Variants in LRRK1 observed in about 807,000 individuals in gnomAD.
The protein encoded by LRRK1 is leucine rich repeat kinase 1, also known as leucine-rich repeat serine/threonine-protein kinase 1.
LRRK1 carries 113 observed loss-of-function variants against 209.1 expected under a neutral mutation model. The ratio of observed to expected loss-of-function variants is 0.54; its 90% CI spans 0.46 to 0.63. The LOEUF is 0.63. Among genes scored for constraint, LRRK1 ranks in the 30% least tolerant of loss-of-function variants. The pLI is 0.00. For missense variants in LRRK1, 2,284 were observed against 2,632.2 expected (o/e 0.87, Z 2.89); for synonymous variants, 1,144 against 1,099.7 (o/e 1.04, Z -0.80).
chr15:100,990,808 G>A (rs776650259), intron 6 of LRRK1, among the ~76,000 whole-genome samples: 1 of 113,414 alleles, frequency 8.8e-6, no homozygotes, highest in South Asian at 2.7e-4. Flanking sequence ...TTCTTTTTTT[G>A]TTATCTTTTG....
Position 101,052,934 on chromosome 15 carries a change from G to C in LRRK1, c.3702G>C (p.Glu1234Asp), listed in dbSNP as rs1296908321. 1.2e-6 allele frequency: 2 copies of C among 1,606,478 alleles called. No individual in the cohort carries two copies. Among genetic ancestry groups the C allele is most frequent in the African/African-American group, 2.7e-5 (2 of 74,846 alleles). Residue 1234 changes from glutamate to aspartate, a missense_variant, in exon 25 of 34, where the codon GAG (glutamate) becomes GAC (aspartate). Transcript: ENST00000388948. Reference protein sequence around the residue: ...MTDFPARLFLENSKLEHSEDE... With the variant: ...MTDFPARLFLDNSKLEHSEDE... ...GCGTGTGTGGCAGGCTCTTCCTGGA[G>C]AACAGCAAGCTGGAGCACAGCGAGG...
At chr15:101,029,523 A>C (rs1398465746) in intron 20 of LRRK1, among the ~76,000 whole-genome samples, 1 of 145,252 alleles carries the variant, frequency 6.9e-6, no homozygotes, top group African/African-American at 2.9e-5. Context: ...ATTAAAAATA[A>C]TTTGTGGGAA....
chr15:101,005,058 C>G (rs1326012483), intron 6 of LRRK1, among the ~76,000 whole-genome samples: 1 of 152,196 alleles, frequency 6.6e-6, no homozygotes, highest in African/African-American at 2.4e-5. Context: ...ACGGAAAGAC[C>G]ATAATGGCCA....
intron 2 of LRRK1, among the ~76,000 whole-genome samples, chr15:100,958,888 C>T (rs2042817190): frequency 6.6e-6 from 1 of 152,182 alleles, no homozygotes; most frequent in South Asian, 2.1e-4. Context: ...TCTGGGACTT[C>T]CTTCCCTGCC....
At chr15:101,063,219 A>AC (rs1338291640) in intron 31 of LRRK1, among the ~76,000 whole-genome samples, 5 of 151,858 alleles carry the variant, frequency 3.3e-5, no homozygotes, top group Admixed American at 2.6e-4. Flanking sequence ...TCTAAATGAG[A>AC]CCCCAAGGGG....
chr15:101,021,531 T>C (rs2033784858), intron 13 of LRRK1, among the ~76,000 whole-genome samples: 1 of 152,110 alleles, frequency 6.6e-6, no homozygotes, highest in Non-Finnish European at 1.5e-5. Context: ...ATATTAATAT[T>C]AAAGGGACAT....
At chr15:101,006,372 T>TAAAAAAAAAAAAAAAAAAAA in intron 6 of LRRK1, among the ~76,000 whole-genome samples, 1 of 114,460 alleles carries the variant, frequency 8.7e-6, no homozygotes, top group Non-Finnish European at 1.9e-5. Context: ...GACAATGTGA[T>TAAAAAAAAAAAAAAAAAAAA]AAAAAAAAAA....
At position 100,973,834 on chromosome 15, in the gene LRRK1, C is replaced by A; in HGVS notation, c.128C>A (p.Thr43Lys). The A allele has an allele frequency of 7.7e-7, 1 of 1,293,056 alleles. No homozygotes were observed. The allele number at this position is 1,293,056 out of a possible 1,614,324, so 80.1% of individuals were successfully genotyped here. Reference protein sequence around the residue: ...GAGDTGGKPSTRGGDPAARSR... With the variant: ...GAGDTGGKPSKRGGDPAARSR... ...GGGGACACGGGCGGCAAGCCGTCCACGCGGGGCGGTGACCCTGCAGCGCGG... is the reference window on the plus strand; with the variant it reads ...GGGGACACGGGCGGCAAGCCGTCCAAGCGGGGCGGTGACCCTGCAGCGCGG... The change falls in exon 3 of 34, where the codon ACG becomes AAG. Residue 43 changes from threonine to lysine, a missense_variant. Physicochemically the swap from Thr to Lys is moderately conservative, Grantham distance 78 (BLOSUM62 -1). Around this residue, in one of 6 missense-constraint regions of LRRK1, gnomAD observed 174 missense variants for 133.5 expected, o/e 1.30. Coordinates refer to ENST00000388948, the MANE Select transcript of LRRK1 (RefSeq NM_024652.6).
At position 100,996,923 on chromosome 15, in the gene LRRK1, A is replaced by G. The variant is rs141339555; in HGVS notation, c.762+7525A>G. On this transcript the variant is annotated intron_variant, in intron 6 of 33. Coordinates refer to ENST00000388948, the MANE Select transcript of LRRK1 (RefSeq NM_024652.6). ...TAATGAGAAAAGAATAAGAAAGAGA[A>G]TAAGAGTAAGAAACATTAGCCAAGG... Among the ~76,000 whole-genome samples the G allele has an allele frequency of 6.1e-3, 933 of 152,316 alleles. 7 individuals are homozygous for G. Among genetic ancestry groups the G allele is most frequent in the Non-Finnish European group, 1.0e-2 (680 of 68,010 alleles).
intron 3 of LRRK1, among the ~76,000 whole-genome samples, chr15:100,976,743 G>A (rs1357656464): frequency 6.6e-6 from 1 of 152,162 alleles, no homozygotes; most frequent in African/African-American, 2.4e-5. Context: ...GTTCATTCAA[G>A]TTGTGTTTAA....
chr15:101,052,981 A>C lies in LRRK1; in HGVS notation c.3749A>C (p.Gln1250Pro). Reference protein sequence around the residue: ...HSEDEGSVLGQGGSGTVIYRA... With the variant: ...HSEDEGSVLGPGGSGTVIYRA... ...GAGGACGAGGGCAGCGTCCTGGGCC[A>C]GGGCGGCAGTGGCACCGTCATCTAC... The change falls in exon 25 of 34, where the codon CAG becomes CCG. Residue 1250 changes from glutamine to proline, a missense_variant. Physicochemically the swap from Gln to Pro is moderately conservative, Grantham distance 76. Coordinates refer to ENST00000388948, the MANE Select transcript of LRRK1 (RefSeq NM_024652.6). 1 of 1,612,928 alleles carries C rather than the reference A, an allele frequency of 6.2e-7. No homozygotes were observed. The highest frequency in any genetic ancestry group is 1.3e-5 in the African/African-American group (1 of 75,062).
intron 6 of LRRK1, among the ~76,000 whole-genome samples, chr15:100,999,353 T>C (rs1489887822): frequency 6.6e-6 from 1 of 152,258 alleles, no homozygotes; most frequent in Non-Finnish European, 1.5e-5. Flanking sequence ...ACACATCTTT[T>C]GGCATTCACT....
At chr15:101,028,048 C>T (rs1442383706) in intron 19 of LRRK1, among the ~76,000 whole-genome samples, 2 of 152,202 alleles carry the variant, frequency 1.3e-5, no homozygotes, top group Non-Finnish European at 1.5e-5. Flanking sequence ...CTGGCGCCTG[C>T]CCTCCGGGGC....
intron 10 of LRRK1, among the ~76,000 whole-genome samples, chr15:101,013,926 C>T (rs956001164): frequency 5.9e-5 from 9 of 152,178 alleles, no homozygotes; most frequent in African/African-American, 1.9e-4. Context: ...CACTGTACTG[C>T]ATGCCCCATG....
intron 20 of LRRK1, among the ~76,000 whole-genome samples, chr15:101,041,183 A>C (rs59126785): frequency 0.056 from 8,558 of 152,050 alleles, 797 homozygotes; most frequent in African/African-American, 0.2. Context: ...CTTGAAGTCT[A>C]TTTTGTCTGA....
intron 2 of LRRK1, among the ~76,000 whole-genome samples, chr15:100,962,818 T>TATACATATATATATATATAC (rs1596204793): frequency 3.0e-5 from 1 of 33,342 alleles, no homozygotes; most frequent in African/African-American, 1.1e-4. Context: ...TATATATATA[T>TATACATATATATATATATAC]ATATATTTTT....
chr15:101,007,060 G>A (rs1389332962), intron 6 of LRRK1, among the ~76,000 whole-genome samples: 1 of 152,212 alleles, frequency 6.6e-6, no homozygotes, highest in Admixed American at 6.5e-5. Flanking sequence ...TTCAAAGACC[G>A]GACGGAGTGT....
chr15:101,028,778 G>A (rs1171762542), intron 19 of LRRK1, among the ~76,000 whole-genome samples, 178 bp from the exon 20 acceptor site: 1 of 152,254 alleles, frequency 6.6e-6, no homozygotes, highest in East Asian at 1.9e-4. Flanking sequence ...GTTACCAGGG[G>A]CCACCAGGGC....
intron 19 of LRRK1, among the ~76,000 whole-genome samples, chr15:101,028,348 C>T (rs924228206): frequency 2.0e-5 from 3 of 152,192 alleles, no homozygotes; most frequent in African/African-American, 4.8e-5. Flanking sequence ...ATTGCTCATT[C>T]ATGAACAAAG....
Sources: gnomAD v4.1 joint callset for allele counts (sites outside exome capture counted in the v4.1 genomes callset) on GRCh38, gnomAD v4.1.1 for gene constraint, gnomAD v4.1.1 regional missense constraint, MANE v1.5 for transcripts, NCBI Gene and HGNC (gene_info 2026-07-23, HGNC 2026-07-21) for gene names.